Variants in SHC3 observed in about 807,000 individuals in gnomAD.
SHC3 encodes the protein SHC-transforming protein 3.
In SHC3, 15 loss-of-function variants were observed where a neutral mutation model predicts 60.4. The observed-to-expected ratio is 0.25, with a 90% CI of 0.17 to 0.38. The LOEUF is 0.38. Ranked by LOEUF, SHC3 falls within the 10% of genes least tolerant of loss-of-function variation. The pLI is 1.00. For missense variants in SHC3, 677 were observed against 786.1 expected (o/e 0.86, Z 1.66); for synonymous variants, 294 against 325.9 (o/e 0.90, Z 1.05).
At chr9:89,123,109 T>G (rs960533396) in intron 1 of SHC3, among the ~76,000 whole-genome samples, 1 of 152,202 alleles carries the variant, frequency 6.6e-6, no homozygotes, top group Non-Finnish European at 1.5e-5. Context: ...TGCACATGCA[T>G]GGGCTATATG....
intron 3 of SHC3, 78 bp from the exon 4 acceptor site, chr9:89,075,306 C>T: frequency 6.4e-7 from 1 of 1,551,852 alleles, no homozygotes; most frequent in Non-Finnish European, 8.7e-7. Context: ...TGCCATACCC[C>T]TAAACTCTCA....
chr9:89,081,674 G>C (rs572502924), intron 2 of SHC3, among the ~76,000 whole-genome samples: 1 of 152,208 alleles, frequency 6.6e-6, no homozygotes, highest in Admixed American at 6.5e-5. Context: ...GGGCTGGATG[G>C]AGCCATGAAT....
intron 1 of SHC3, among the ~76,000 whole-genome samples, chr9:89,121,134 A>C (rs1049055219): frequency 1.3e-5 from 2 of 152,148 alleles, no homozygotes; most frequent in Non-Finnish European, 2.9e-5. Flanking sequence ...AGCTTATATG[A>C]CTGCTGTCAT....
intron 1 of SHC3, among the ~76,000 whole-genome samples, chr9:89,141,375 A>G (rs1826390973): frequency 6.6e-6 from 1 of 152,252 alleles, no homozygotes; most frequent in Non-Finnish European, 1.5e-5. Flanking sequence ...AAATCATGCC[A>G]GATTCACCAC....
At chr9:89,165,411 G>A (rs774472491) in intron 1 of SHC3, among the ~76,000 whole-genome samples, 8 of 150,794 alleles carry the variant, frequency 5.3e-5, no homozygotes, top group Non-Finnish European at 1.0e-4. Context: ...AAACATTTGT[G>A]TATTGTTTGA....
chr9:89,096,283 G>A (rs1192133336), intron 2 of SHC3, among the ~76,000 whole-genome samples: 1 of 152,170 alleles, frequency 6.6e-6, no homozygotes, highest in South Asian at 2.1e-4. Context: ...TTGGTCCCTG[G>A]GGTTCCAGGA....
intron 11 of SHC3, among the ~76,000 whole-genome samples, chr9:89,014,192 T>G (rs1250522438): frequency 1.3e-5 from 2 of 152,148 alleles, no homozygotes; most frequent in African/African-American, 4.8e-5. Context: ...AGGCTCCGTG[T>G]TCCTGGGCTT....
intron 2 of SHC3, among the ~76,000 whole-genome samples, chr9:89,099,332 TAAGTTA>T (rs1190447133): frequency 1.3e-5 from 2 of 152,326 alleles, no homozygotes; most frequent in Admixed American, 6.5e-5. Flanking sequence ...GTAAGTGAAA[TAAGTTA>T]AAGTTATCCT....
At chr9:89,089,080 A>T (rs947129042) in intron 2 of SHC3, 19 of 152,356 alleles carry the variant, frequency 1.2e-4, no homozygotes, top group African/African-American at 4.6e-4. Flanking sequence ...GTTCTGTGGC[A>T]GAATCTGCCT....
chr9:89,093,929 C>T (rs1825662418), intron 2 of SHC3, among the ~76,000 whole-genome samples: 1 of 151,868 alleles, frequency 6.6e-6, no homozygotes, highest in African/African-American at 2.4e-5. Flanking sequence ...TATGGTGAAA[C>T]CCCATCTCTA....
chr9:89,108,393 C>T (rs1308296758), intron 2 of SHC3, among the ~76,000 whole-genome samples: 1 of 151,570 alleles, frequency 6.6e-6, no homozygotes, highest in Non-Finnish European at 1.5e-5. Context: ...TGGTGGCATG[C>T]ACCTGTGGTC....
At chr9:89,028,200 C>T (rs1246677187) in intron 11 of SHC3, among the ~76,000 whole-genome samples, 1 of 152,150 alleles carries the variant, frequency 6.6e-6, no homozygotes, top group Non-Finnish European at 1.5e-5. Context: ...GCCCACATCA[C>T]CTCCACACAC....
chr9:89,138,141 T>C (rs1156966069), intron 1 of SHC3, among the ~76,000 whole-genome samples: 3 of 152,126 alleles, frequency 2.0e-5, no homozygotes, highest in Non-Finnish European at 4.4e-5. Flanking sequence ...AGGGCAAGGG[T>C]GACAGCAGAT....
rs763743941 is a variant in SHC3 at position 89,038,056 on chromosome 9, A to T, written c.1593T>A (p.Phe531Leu). 1 of 1,613,910 alleles carries T rather than the reference A, an allele frequency of 6.2e-7. No individual in the cohort carries two copies. Among genetic ancestry groups the T allele is most frequent in the Admixed American group, 1.7e-5 (1 of 60,024 alleles). ...VRKSTTNPGS[F>L]VLTGMHNGQA... is the part of the protein sequence containing the mutation. The stretch of plus-strand genomic sequence containing the variant: ...GGCCATTGTGCATGCCCGTGAGGAC[A>T]AAGGAGCCCGGGTTGGTGGTGCTCT... The change falls in exon 11 of 12, where the codon TTT becomes TTA. Residue 531 changes from phenylalanine to leucine, a missense_variant. Transcript: ENST00000375835.
At chr9:89,177,519 C>CG (rs767680708) in intron 1 of SHC3, among the ~76,000 whole-genome samples, 13 of 152,166 alleles carry the variant, frequency 8.5e-5, no homozygotes, top group South Asian at 4.1e-4. Context: ...ATTCTTGCTG[C>CG]GGGGGGCAAC....
chr9:89,115,879 C>A (rs547838559), intron 1 of SHC3, among the ~76,000 whole-genome samples: 92 of 152,314 alleles, frequency 6.0e-4, no homozygotes, highest in Admixed American at 4.4e-3. Flanking sequence ...AGTAACACAA[C>A]CACAACCATT....
intron 2 of SHC3, among the ~76,000 whole-genome samples, chr9:89,082,206 C>T (rs936273537): frequency 3.9e-5 from 6 of 152,166 alleles, no homozygotes; most frequent in African/African-American, 1.4e-4. Context: ...TTGAAGACTC[C>T]TCCCCAGGAG....
intron 1 of SHC3, among the ~76,000 whole-genome samples, chr9:89,130,315 G>C (rs1826225532): frequency 6.6e-6 from 1 of 152,100 alleles, no homozygotes; most frequent in African/African-American, 2.4e-5. Context: ...CAATAATAAT[G>C]GGAGACTTTA....
intron 2 of SHC3, among the ~76,000 whole-genome samples, chr9:89,105,027 C>T (rs1168030252): frequency 6.6e-6 from 1 of 152,130 alleles, no homozygotes; most frequent in Non-Finnish European, 1.5e-5. Flanking sequence ...ACAGCTGACC[C>T]TTCTTACATG....
Sources: allele counts gnomAD v4.1 joint callset (sites outside exome capture counted in the v4.1 genomes callset), GRCh38; gene constraint gnomAD v4.1.1; transcripts MANE v1.5; gene names NCBI Gene and HGNC (gene_info 2026-07-23, HGNC 2026-07-21).